Variants in RAB31 observed in about 807,000 individuals in gnomAD.
The protein encoded by RAB31 is ras-related protein Rab-31.
A neutral mutation model predicts 25.6 loss-of-function variants in RAB31; 21 were observed. The ratio of observed to expected loss-of-function variants is 0.82; its 90% CI spans 0.58 to 1.18. The LOEUF (loss-of-function observed/expected upper bound fraction) is 1.18. Ranked by LOEUF, RAB31 falls within the 50% of genes most tolerant of loss-of-function variation. The pLI, the probability that RAB31 is intolerant of heterozygous loss-of-function variation, is 0.00. For missense variants in RAB31, 196 were observed against 250.1 expected, an observed-to-expected ratio of 0.78 and a Z score of 1.46; for synonymous variants, 87 against 84.0, an observed-to-expected ratio of 1.04 and a Z score of -0.20.
At chr18:9,844,723 G>A (rs2068751428) in intron 5 of RAB31, 1 of 152,218 alleles carries the variant, frequency 6.6e-6, no homozygotes, top group Admixed American at 6.5e-5. Flanking sequence ...ATTGAAAAGA[G>A]GTCAGTAGGT....
chr18:9,738,310 C>A (rs550021737), intron 1 of RAB31, among the ~76,000 whole-genome samples: 36 of 152,208 alleles, frequency 2.4e-4, no homozygotes, highest in Admixed American at 1.2e-3. Flanking sequence ...GCTGGCAGCC[C>A]CCAGGTAGCT....
chr18:9,770,754 C>T (rs1447123171), intron 1 of RAB31, among the ~76,000 whole-genome samples: 2 of 152,040 alleles, frequency 1.3e-5, no homozygotes, highest in East Asian at 1.9e-4. Context: ...AAGGCTGCAG[C>T]GGCTATCTTC....
chr18:9,760,935 G>A (rs1348924061), intron 1 of RAB31, among the ~76,000 whole-genome samples: 1 of 152,026 alleles, frequency 6.6e-6, no homozygotes, highest in Non-Finnish European at 1.5e-5. Flanking sequence ...TGTTTTAATG[G>A]CTACTCAAAG....
rs1265816722 is a variant in RAB31 at position 9,766,907 on chromosome 18, A to C, written c.40-8371A>C. ...GGAAGGAGTAGGTTGCAGTGAGCCG[A>C]TGTTGTGCCACTGTAATCCAGCCTG... On this transcript the variant is annotated intron_variant, in intron 1 of 6. Transcript: ENST00000578921. The surrounding 1 kb of genome is among the most constrained non-coding windows in gnomAD (Gnocchi z 4.3). Among the ~76,000 whole-genome samples the C allele has an allele frequency of 2.6e-5, 4 of 152,204 alleles. No individual in the cohort carries two copies. The highest frequency in any genetic ancestry group is 7.2e-5 in the African/African-American group (3 of 41,454).
At chr18:9,831,246 C>A (rs1278423901) in intron 5 of RAB31, among the ~76,000 whole-genome samples, 1 of 152,174 alleles carries the variant, frequency 6.6e-6, no homozygotes, top group East Asian at 1.9e-4. Context: ...GGTTATGATG[C>A]AGAACTATGT....
Position 9,861,879 on chromosome 18 carries a change from A to T in RAB31, c.*2554A>T, listed in dbSNP as rs1012415599. Reference sequence around the variant, plus strand: ...AGCCATGTGTTAATATAAAGTAGGCATGGCTTCCCAATGGAAATCTCTGAG... The same window carrying T: ...AGCCATGTGTTAATATAAAGTAGGCTTGGCTTCCCAATGGAAATCTCTGAG... On this transcript the variant is annotated 3_prime_UTR_variant, in exon 7 of 7. Transcript: ENST00000578921. 1 of 152,612 alleles carries T rather than the reference A, an allele frequency of 6.6e-6. No individual in the cohort carries two copies. The highest frequency in any genetic ancestry group is 1.5e-5 in the Non-Finnish European group (1 of 68,038). 9.5% of individuals were successfully genotyped at this position (152,612 alleles called of 1,614,324 possible). A position where few individuals can be genotyped will look rare whatever the true frequency, so the allele number is the denominator to read the frequency against.
At chr18:9,840,312 C>T (rs79395866) in intron 5 of RAB31, among the ~76,000 whole-genome samples, 4,126 of 152,238 alleles carry the variant, frequency 0.027, 184 homozygotes, top group African/African-American at 0.094. Flanking sequence ...TGGGTGAACT[C>T]GTTTCAGTTT....
At chr18:9,734,856 G>A in intron 1 of RAB31, 2 of 225,512 alleles carry the variant, frequency 8.9e-6, no homozygotes, top group Non-Finnish European at 1.9e-5. Context: ...AGGCCCCCCA[G>A]CATTCTTAAT....
At chr18:9,806,160 CAG>C (rs902489036) in intron 3 of RAB31, among the ~76,000 whole-genome samples, 1 of 144,830 alleles carries the variant, frequency 6.9e-6, no homozygotes, top group Non-Finnish European at 1.5e-5. Context: ...CTGGGCAACA[CAG>C]AGAGACTCCG....
chr18:9,795,270 C>T (rs564993737), intron 3 of RAB31, among the ~76,000 whole-genome samples: 1 of 152,258 alleles, frequency 6.6e-6, no homozygotes, highest in African/African-American at 2.4e-5. Flanking sequence ...AAATCTAAGA[C>T]CTGAAGCCAT....
intron 1 of RAB31, among the ~76,000 whole-genome samples, chr18:9,747,000 T>G (rs1237339015): frequency 2.6e-5 from 4 of 152,168 alleles, no homozygotes; most frequent in Non-Finnish European, 5.9e-5. Context: ...AGAGAAAATA[T>G]TTACAAATCA....
intron 3 of RAB31, among the ~76,000 whole-genome samples, chr18:9,813,793 A>T (rs983670955): frequency 2.0e-5 from 3 of 152,194 alleles, no homozygotes; most frequent in African/African-American, 7.2e-5. Flanking sequence ...TGGAGGTTGC[A>T]GTGAGCCAAG....
chr18:9,843,891 A>G (rs2068747262), intron 5 of RAB31, among the ~76,000 whole-genome samples: 1 of 152,084 alleles, frequency 6.6e-6, no homozygotes, highest in Non-Finnish European at 1.5e-5. Flanking sequence ...ATATGGTTTG[A>G]GTCCCATAGG....
At chr18:9,819,182 A>G (rs2068613586) in intron 5 of RAB31, among the ~76,000 whole-genome samples, 1 of 152,128 alleles carries the variant, frequency 6.6e-6, no homozygotes, top group East Asian at 1.9e-4. Context: ...CATCACAAAT[A>G]TTTATTAATG....
intron 1 of RAB31, among the ~76,000 whole-genome samples, chr18:9,759,242 T>G (rs1213511112): frequency 1.3e-5 from 2 of 152,062 alleles, no homozygotes; most frequent in African/African-American, 4.8e-5. Context: ...AAGGCTTGAG[T>G]GTAGTGCAGC....
chr18:9,772,143 T>G (rs1445871247), intron 1 of RAB31, among the ~76,000 whole-genome samples: 1 of 151,996 alleles, frequency 6.6e-6, no homozygotes, highest in Non-Finnish European at 1.5e-5. Context: ...TTGAGACTTG[T>G]GTCCATTGTT....
chr18:9,802,919 TC>T lies in RAB31; in HGVS notation c.201+10685del, dbSNP rs552698877. On this transcript the variant is annotated intron_variant, in intron 3 of 6. Coordinates refer to ENST00000578921, the MANE Select transcript of RAB31 (RefSeq NM_006868.4). ...CAACATCTATGGTCAAAAAAGTGGTTCACTATTCATAGGCCATTAGTAAAGT... is the reference window on the plus strand; with the variant it reads ...CAACATCTATGGTCAAAAAAGTGGTTACTATTCATAGGCCATTAGTAAAGT... Among the ~76,000 whole-genome samples the T allele has an allele frequency of 2.8e-3, 433 of 152,350 alleles. 3 individuals are homozygous for T. Among genetic ancestry groups the T allele is most frequent in the Non-Finnish European group, 4.4e-3 (297 of 68,030 alleles).
chr18:9,814,799 C>T (rs1008216381), intron 4 of RAB31: 17 of 208,408 alleles, frequency 8.2e-5, no homozygotes, highest in Non-Finnish European at 1.1e-4. Flanking sequence ...TAAGCATGAG[C>T]ATTTACTTAG....
In RAB31 at chr18:9,713,157, A is replaced by G. The variant is rs147723117; in HGVS notation, c.39+4713A>G. On this transcript the variant is annotated intron_variant, in intron 1 of 6. Coordinates refer to ENST00000578921, the MANE Select transcript of RAB31 (RefSeq NM_006868.4). ...TGAGCACTGTATGACAGAGTATCCAATAAGGTGATAAGAATTTGTTAGTGT... is the reference window on the plus strand; with the variant it reads ...TGAGCACTGTATGACAGAGTATCCAGTAAGGTGATAAGAATTTGTTAGTGT... 1.2e-3 allele frequency among the ~76,000 whole-genome samples: 185 copies of G among 152,350 alleles called. 1 individual carries two copies. Among genetic ancestry groups the G allele is most frequent in the African/African-American group, 4.4e-3 (182 of 41,580 alleles).
Sources: allele counts gnomAD v4.1 joint callset (sites outside exome capture counted in the v4.1 genomes callset), GRCh38; gene constraint gnomAD v4.1.1; non-coding constraint Gnocchi (gnomAD v3.1); transcripts MANE v1.5; gene names NCBI Gene and HGNC (gene_info 2026-07-23, HGNC 2026-07-21).